Variants in RBFOX1 observed in about 807,000 individuals in gnomAD.
The protein encoded by RBFOX1 is RNA binding fox-1 homolog 1.
In RBFOX1, 8 loss-of-function variants were observed where a neutral mutation model predicts 57.7. The observed-to-expected ratio is 0.14, with a 90% confidence interval of 0.08 to 0.25. The LOEUF (loss-of-function observed/expected upper bound fraction) is 0.25. Among genes scored for constraint, RBFOX1 ranks in the 10% least tolerant of loss-of-function variants. The pLI is 1.00. For synonymous variants in RBFOX1, 326 were observed against 222.4 expected, an observed-to-expected ratio of 1.47 and a Z score of -4.15; for missense variants, 611 against 548.5, an observed-to-expected ratio of 1.11 and a Z score of -1.14.
At position 7,307,119 on chromosome 16, in the gene RBFOX1, C is replaced by T. The variant is rs114322699; in HGVS notation, c.28-211028C>T. Among the ~76,000 whole-genome samples, 758 of 152,286 alleles carry T rather than the reference C, an allele frequency of 5.0e-3. 5 individuals carry two copies. Among genetic ancestry groups the T allele is most frequent in the African/African-American group, 0.017 (688 of 41,564 alleles). ...TCTTTGTCATTGAGATCACCAATTA[C>T]ATAAGAAAGTAATCAACCCACATTG... On this transcript the variant is annotated intron_variant, in intron 4 of 15. Transcript: ENST00000550418.
chr16:6,789,154 G>C (rs949798262), intron 3 of RBFOX1, among the ~76,000 whole-genome samples: 3 of 152,120 alleles, frequency 2.0e-5, no homozygotes, highest in Non-Finnish European at 4.4e-5. Context: ...CCCACTGCTT[G>C]TGGGTAGAGT....
intron 1 of RBFOX1, among the ~76,000 whole-genome samples, chr16:6,025,144 T>G (rs1231645937): frequency 6.6e-6 from 1 of 152,196 alleles, no homozygotes; most frequent in Non-Finnish European, 1.5e-5. Context: ...AATTGTTAGG[T>G]GTTTTTGAGA....
chr16:5,982,062 T>A (rs1280347083), intron 4 of RBFOX1, among the ~76,000 whole-genome samples: 1 of 152,132 alleles, frequency 6.6e-6, no homozygotes, highest in Non-Finnish European at 1.5e-5. Context: ...ACATCTCTGC[T>A]CCAGATCCAG....
intron 2 of RBFOX1, among the ~76,000 whole-genome samples, chr16:5,547,664 C>A (rs1303450516): frequency 6.6e-6 from 1 of 152,060 alleles, no homozygotes; most frequent in Non-Finnish European, 1.5e-5. Context: ...TTAACGGTGC[C>A]TTGAGTGAAG....
chr16:6,149,611 A>AT (rs1045705513), intron 1 of RBFOX1, among the ~76,000 whole-genome samples: 1 of 152,156 alleles, frequency 6.6e-6, no homozygotes, highest in Non-Finnish European at 1.5e-5. Flanking sequence ...CTAGATATGC[A>AT]TTGGGTCTTT....
chr16:5,465,836 G>C (rs2068935800), intron 1 of RBFOX1, among the ~76,000 whole-genome samples: 1 of 152,244 alleles, frequency 6.6e-6, no homozygotes, highest in African/African-American at 2.4e-5. Context: ...GACTGCAAGG[G>C]TTGAATGTGG....
intron 4 of RBFOX1, among the ~76,000 whole-genome samples, chr16:7,410,293 T>C (rs571365600): frequency 3.9e-5 from 6 of 152,354 alleles, no homozygotes; most frequent in East Asian, 1.9e-4. Context: ...GATACTGTTA[T>C]TGCTCTCACT....
intron 3 of RBFOX1, among the ~76,000 whole-genome samples, chr16:5,614,445 C>G (rs182510695): frequency 6.6e-6 from 1 of 152,234 alleles, no homozygotes; most frequent in East Asian, 1.9e-4. Context: ...AGAGTCGTTC[C>G]AATGTGTTCT....
At chr16:6,973,616 C>G (rs2086094798) in intron 3 of RBFOX1, among the ~76,000 whole-genome samples, 1 of 152,030 alleles carries the variant, frequency 6.6e-6, no homozygotes, top group South Asian at 2.1e-4. Context: ...TTGTTTTTGA[C>G]AGTTATCAAA....
Position 5,729,396 on chromosome 16 carries a change from CT to C in RBFOX1, c.318+130454del, listed in dbSNP as rs71142649. On this transcript the variant is annotated intron_variant, in intron 3 of 19. Transcript: ENST00000641259. Reference sequence around the variant, plus strand: ...ACAGCTAGCTTTTTTTTTTTCTTTTCTTTTTTTTTTTTTTTTTTTGCCAGCC... The same window carrying C: ...ACAGCTAGCTTTTTTTTTTTCTTTTCTTTTTTTTTTTTTTTTTTGCCAGCC... Among the ~76,000 whole-genome samples, 521 of 111,450 alleles carry C rather than the reference CT, an allele frequency of 4.7e-3. 1 individual carries two copies. Among genetic ancestry groups the C allele is most frequent in the African/African-American group, 0.011 (309 of 29,158 alleles). The allele number at this position is 111,450 out of a possible 152,430, so 73.1% of individuals were successfully genotyped here. A position where few individuals can be genotyped will look rare whatever the true frequency, so the allele number is the denominator to read the frequency against.
chr16:6,307,974 CATTT>C (rs1393725602), intron 1 of RBFOX1, among the ~76,000 whole-genome samples: 1 of 148,368 alleles, frequency 6.7e-6, no homozygotes, highest in East Asian at 2.0e-4. Context: ...AAACTGTAAT[CATTT>C]ATATATTCGC....
intron 2 of RBFOX1, among the ~76,000 whole-genome samples, chr16:6,357,811 C>T (rs563039436): frequency 1.5e-4 from 23 of 151,814 alleles, no homozygotes; most frequent in African/African-American, 4.3e-4. Context: ...ATTAGCCGGG[C>T]GTGGTGGTGG....
At chr16:6,149,429 C>T (rs144139646) in intron 1 of RBFOX1, among the ~76,000 whole-genome samples, 2 of 152,130 alleles carry the variant, frequency 1.3e-5, no homozygotes, top group East Asian at 1.9e-4. Flanking sequence ...TAGAAGTACC[C>T]GTGTATGCTT....
At chr16:6,694,030 G>C (rs1306267599) in intron 3 of RBFOX1, among the ~76,000 whole-genome samples, 3 of 152,190 alleles carry the variant, frequency 2.0e-5, no homozygotes, top group African/African-American at 7.2e-5. Flanking sequence ...TTGTAATATA[G>C]GCATGTGTTT....
intron 1 of RBFOX1, among the ~76,000 whole-genome samples, chr16:6,064,969 A>T (rs1029848440): frequency 3.6e-4 from 53 of 148,934 alleles, no homozygotes; most frequent in Admixed American, 5.4e-4. Flanking sequence ...ATTAAAAATT[A>T]AAAAAAAAAC....
At chr16:6,696,192 G>A (rs1226156940) in intron 3 of RBFOX1, among the ~76,000 whole-genome samples, 1 of 152,162 alleles carries the variant, frequency 6.6e-6, no homozygotes, top group Non-Finnish European at 1.5e-5. Context: ...ATACTCTCTA[G>A]TTGATATAAT....
chr16:6,842,382 TCTC>T (rs2093525099), intron 3 of RBFOX1, among the ~76,000 whole-genome samples: 3 of 152,172 alleles, frequency 2.0e-5, no homozygotes, highest in African/African-American at 2.4e-5. Context: ...GAAGAAATGT[TCTC>T]CTTATTTAAT....
intron 4 of RBFOX1, among the ~76,000 whole-genome samples, chr16:7,120,850 C>CACACAT (rs2067008634): frequency 1.3e-5 from 2 of 149,576 alleles, no homozygotes; most frequent in African/African-American, 2.5e-5. Context: ...CACACACACA[C>CACACAT]ACACACACAT....
intron 1 of RBFOX1, among the ~76,000 whole-genome samples, chr16:5,387,526 G>A (rs1218437365): frequency 6.6e-6 from 1 of 152,166 alleles, no homozygotes; most frequent in Non-Finnish European, 1.5e-5. Flanking sequence ...GAATTGATGT[G>A]ATGAAAAGAC....
Sources: allele counts gnomAD v4.1 joint callset (sites outside exome capture counted in the v4.1 genomes callset), GRCh38; gene constraint gnomAD v4.1.1; transcripts MANE v1.5; gene names NCBI Gene and HGNC (gene_info 2026-07-23, HGNC 2026-07-21).